Variants in HACD2 observed in about 807,000 individuals in gnomAD.
HACD2 encodes the protein very-long-chain (3R)-3-hydroxyacyl-CoA dehydratase 2.
Under a neutral mutation model 31.0 loss-of-function variants are expected in HACD2, and 15 were observed. The observed-to-expected ratio is 0.48, with a 90% CI of 0.32 to 0.75. HACD2 has a LOEUF of 0.75. HACD2 is among the 30% of genes least tolerant of loss of function. HACD2 has a pLI of 0.03. For missense variants in HACD2, 283 were observed against 313.0 expected (o/e 0.90, Z 0.72); for synonymous variants, 115 against 122.2 (o/e 0.94, Z 0.39).
intron 3 of HACD2, among the ~76,000 whole-genome samples, chr3:123,563,441 G>A (rs1350650977): frequency 6.6e-6 from 1 of 152,146 alleles, no homozygotes; most frequent in Non-Finnish European, 1.5e-5. Context: ...AGATCATGAA[G>A]AAATTTAAAC....
intron 4 of HACD2, among the ~76,000 whole-genome samples, chr3:123,509,247 G>A (rs2056019456): frequency 1.3e-5 from 2 of 151,840 alleles, no homozygotes; most frequent in Non-Finnish European, 2.9e-5. Flanking sequence ...AGCTGGGCAT[G>A]GTGGCATGTG....
At chr3:123,502,748 C>A in intron 4 of HACD2, 67 bp from the exon 5 acceptor site, 2 of 1,511,176 alleles carry the variant, frequency 1.3e-6, no homozygotes, top group East Asian at 4.9e-5. Flanking sequence ...GTGTGCAGCA[C>A]CCGGCAGAGC....
intron 4 of HACD2, among the ~76,000 whole-genome samples, chr3:123,521,324 G>C (rs938531269): frequency 6.6e-6 from 1 of 152,130 alleles, no homozygotes; most frequent in African/African-American, 2.4e-5. Context: ...GGAAGAAGTT[G>C]ATCAGTGCTC....
At chr3:123,521,285 T>G (rs1054112231) in intron 4 of HACD2, among the ~76,000 whole-genome samples, 24 of 152,258 alleles carry the variant, frequency 1.6e-4, no homozygotes, top group African/African-American at 5.8e-4. Context: ...GAAAAACCTA[T>G]AATCTGGAAG....
At chr3:123,582,393 C>A in intron 1 of HACD2, 64 bp from the exon 2 acceptor site, 2 of 1,137,430 alleles carry the variant, frequency 1.8e-6, no homozygotes, top group Non-Finnish European at 2.5e-6. Context: ...TTTAGGTTAA[C>A]ACACAGCTGT....
chr3:123,545,034 C>CAAA (rs71142743), intron 3 of HACD2, among the ~76,000 whole-genome samples: 170 of 44,648 alleles, frequency 3.8e-3, no homozygotes, highest in African/African-American at 8.3e-3. Flanking sequence ...GACCCTGCCT[C>CAAA]AAAAAAAAAA....
chr3:123,531,146 G>A (rs1192961647), intron 3 of HACD2, among the ~76,000 whole-genome samples: 2 of 152,168 alleles, frequency 1.3e-5, no homozygotes, highest in East Asian at 1.9e-4. Flanking sequence ...GATTACAGGC[G>A]CTAAGAGTAA....
At chr3:123,558,191 T>C (rs554737807) in intron 3 of HACD2, among the ~76,000 whole-genome samples, 1 of 152,158 alleles carries the variant, frequency 6.6e-6, no homozygotes. Context: ...CTGCATACTG[T>C]ATGACATTCT....
chr3:123,562,889 A>G (rs918240107), intron 3 of HACD2, among the ~76,000 whole-genome samples: 1 of 152,254 alleles, frequency 6.6e-6, no homozygotes, highest in African/African-American at 2.4e-5. Context: ...CCATCATTCC[A>G]CAAATAAACT....
intron 6 of HACD2, among the ~76,000 whole-genome samples, chr3:123,498,583 A>T (rs1298494487): frequency 6.6e-6 from 1 of 152,216 alleles, no homozygotes; most frequent in African/African-American, 2.4e-5. Flanking sequence ...GATCTAGGTT[A>T]TATGTTTCTT....
chr3:123,546,469 T>C (rs2056560885), intron 3 of HACD2, among the ~76,000 whole-genome samples: 1 of 152,190 alleles, frequency 6.6e-6, no homozygotes, highest in South Asian at 2.1e-4. Context: ...GGAAGCCACC[T>C]AGCACAGTTC....
At chr3:123,582,090 G>T in intron 2 of HACD2, 122 bp downstream of exon 2, 1 of 519,916 alleles carries the variant, frequency 1.9e-6, no homozygotes, top group Non-Finnish European at 3.3e-6. Flanking sequence ...TAGTATGTGA[G>T]GAGGCAAAAT....
chr3:123,527,602 A>G (rs187767140), intron 4 of HACD2, among the ~76,000 whole-genome samples: 16 of 152,348 alleles, frequency 1.1e-4, no homozygotes, highest in Non-Finnish European at 2.9e-5. Flanking sequence ...GAGGAGCCAT[A>G]AAGAACTTCC....
chr3:123,564,512 T>C (rs2056770606), intron 3 of HACD2, among the ~76,000 whole-genome samples: 1 of 152,164 alleles, frequency 6.6e-6, no homozygotes. Context: ...CGGTGCCCCA[T>C]GTAGCTAAGT....
intron 2 of HACD2, among the ~76,000 whole-genome samples, chr3:123,574,751 C>T (rs1170184006): frequency 2.0e-5 from 3 of 151,954 alleles, no homozygotes; most frequent in Non-Finnish European, 4.4e-5. Flanking sequence ...CCCCCTTGCC[C>T]CAAAATACCA....
In HACD2 at chr3:123,582,266, A is replaced by C. The variant is rs2056973704; in HGVS notation, c.219T>G (p.Leu73=). 2 of 1,609,410 alleles carry C rather than the reference A, an allele frequency of 1.2e-6. No homozygotes were observed. The highest frequency in any genetic ancestry group is 1.7e-6 in the Non-Finnish European group (2 of 1,177,816). The change falls in exon 2 of 7, where the codon CTT becomes CTG. Residue 73 remains leucine, a synonymous_variant. Transcript: ENST00000383657. ...AYLAKGSYHS[L]YYSIEKPLKF... ...TCAAAGGCTTTTCAATTGAATAATA[A>C]AGGCTATGGTAGCTACCCTTAGCCA... is the stretch of plus-strand genomic sequence containing the variant.
intron 6 of HACD2, chr3:123,499,582 G>T: frequency 2.2e-6 from 1 of 453,198 alleles, no homozygotes; most frequent in Non-Finnish European, 4.4e-6. Context: ...GCTTTGTTAG[G>T]GTGATTCATT....
rs1418776149 is a variant in HACD2 at position 123,492,902 on chromosome 3, T to C, written c.*1986A>G. On this transcript the variant is annotated 3_prime_UTR_variant, in exon 7 of 7. Coordinates refer to ENST00000383657, the MANE Select transcript of HACD2 (RefSeq NM_198402.5). The stretch of plus-strand genomic sequence containing the variant: ...CATGCAAAAAATCTTTCCCACATAT[T>C]TTGTCTATCAAATACAAGAATAGAT... 1 of 152,236 alleles carries C rather than the reference T, an allele frequency of 6.6e-6. No individual in the cohort carries two copies. The highest frequency in any genetic ancestry group is 1.9e-4 in the East Asian group (1 of 5,204). 9.4% of individuals were successfully genotyped at this position (152,236 alleles called of 1,614,324 possible).
At chr3:123,523,945 T>C (rs1446365087) in intron 4 of HACD2, among the ~76,000 whole-genome samples, 1 of 152,246 alleles carries the variant, frequency 6.6e-6, no homozygotes, top group East Asian at 1.9e-4. Flanking sequence ...GCAGGCTCCT[T>C]AAGCTTCCTC....
Sources: gnomAD v4.1 joint callset for allele counts (sites outside exome capture counted in the v4.1 genomes callset) on GRCh38, gnomAD v4.1.1 for gene constraint, MANE v1.5 for transcripts, NCBI Gene and HGNC (gene_info 2026-07-23, HGNC 2026-07-21) for gene names.